Variants in AIFM3 observed in about 807,000 individuals in gnomAD.
AIFM3 encodes the protein apoptosis-inducing factor 3.
AIFM3 carries 71 observed loss-of-function variants against 82.7 expected under a neutral mutation model. The ratio of observed to expected loss-of-function variants is 0.86; its 90% CI spans 0.71 to 1.05. The LOEUF (loss-of-function observed/expected upper bound fraction) is 1.05, where lower values mean the gene tolerates loss of function less well. Among genes scored for constraint, AIFM3 ranks in the 50% least tolerant of loss-of-function variants. The probability of loss-of-function intolerance (pLI) is 0.00; values close to 1 mark genes in which losing one functional copy is unlikely to be tolerated. For missense variants in AIFM3, 748 were observed against 816.7 expected, an observed-to-expected ratio of 0.92 and a Z score of 1.03; for synonymous variants, 337 against 329.1, an observed-to-expected ratio of 1.02 and a Z score of -0.26.
intron 19 of AIFM3, 34 bp downstream of exon 19, chr22:20,980,158 G>C: frequency 6.3e-7 from 1 of 1,591,574 alleles, no homozygotes; most frequent in Non-Finnish European, 8.5e-7. Flanking sequence ...GGGGGTGGGA[G>C]TAGTTCCCTG....
At chr22:20,975,647 C>G (rs1923592463) in intron 8 of AIFM3, 45 bp from the exon 9 acceptor site, 3 of 1,598,986 alleles carry the variant, frequency 1.9e-6, no homozygotes, top group Middle Eastern at 1.7e-4. Context: ...GCCCCAGTGT[C>G]TTCTGCTGTA....
At chr22:20,969,587 G>A (rs1923142336) in intron 2 of AIFM3, among the ~76,000 whole-genome samples, 1 of 152,224 alleles carries the variant, frequency 6.6e-6, no homozygotes. Context: ...CCGCCACCAC[G>A]CCCAGCTATT....
In AIFM3 at chr22:20,973,448, C is replaced by A; in HGVS notation, c.173C>A (p.Pro58His). The change falls in exon 3 of 21, where the codon CCT becomes CAT. Residue 58 changes from proline (P) to histidine (H), a missense_variant. Physicochemically the swap from Pro to His is moderately conservative, Grantham distance 77 (BLOSUM62 -2). This residue lies in a region of AIFM3 where 148 missense variants were observed against 134.1 expected (regional missense o/e 1.10). Transcript: ENST00000440238. ...CACACGGAGGAGCGCCTGTCCACCC[C>A]TCACCCCTACCCCAGCCCTCAGGAT... ...HFHTEERLST[P>H]HPYPSPQDCV... 1 of 1,613,202 alleles carries A rather than the reference C, an allele frequency of 6.2e-7. No homozygotes were observed. Among genetic ancestry groups the A allele is most frequent in the Non-Finnish European group, 8.5e-7 (1 of 1,179,998 alleles).
rs759716867 is a variant in AIFM3, at chr22:20,976,503, G to A, written c.995G>A (p.Gly332Asp). 5.6e-6 allele frequency: 9 copies of A among 1,613,826 alleles called. No individual in the cohort carries two copies. The South Asian group carries it at 8.8e-5, about 16-fold the overall frequency. The change falls in exon 11 of 21, where the codon GGC becomes GAC. Residue 332 changes from glycine to aspartate, a missense_variant. This residue lies in a region of AIFM3 where 393 missense variants were observed against 481.1 expected (regional missense o/e 0.82). Coordinates refer to ENST00000440238, the MANE Select transcript of AIFM3 (RefSeq NM_001386814.1). ...AATCGCGTGGTGAGGCTGGCCCGAG[G>A]CCGCAACGTGGTCGTCGTGGGAGCC... ...DANRVVRLAR[G>D]RNVVVVGAGF...
At chr22:20,979,961 G>T in intron 18 of AIFM3, 59 bp from the exon 19 acceptor site, 1 of 1,522,732 alleles carries the variant, frequency 6.6e-7, no homozygotes, top group Non-Finnish European at 8.9e-7. Flanking sequence ...GTGCATCAGG[G>T]TTTTCAAAAA....
intron 2 of AIFM3, among the ~76,000 whole-genome samples, chr22:20,968,195 G>A (rs1923042720): frequency 6.6e-6 from 1 of 152,118 alleles, no homozygotes; most frequent in African/African-American, 2.4e-5. Flanking sequence ...CTTTTTCTTT[G>A]GGGCTTTGAG....
At chr22:20,968,913 T>C (rs1355375762) in intron 2 of AIFM3, among the ~76,000 whole-genome samples, 1 of 152,030 alleles carries the variant, frequency 6.6e-6, no homozygotes, top group Admixed American at 6.5e-5. Context: ...CTTTCCTGGG[T>C]CTAAGGGAGA....
rs779895894 is a variant in AIFM3 at position 20,979,593 on chromosome 22, T to C, written c.1577-34T>C. 10 of 1,612,880 alleles carry C rather than the reference T, an allele frequency of 6.2e-6. No homozygotes were observed. The East Asian group carries it at 2.2e-4, about 36-fold the overall frequency. ...GTGACGTCTCGTTCCCTCCCCCGGC[T>C]CACGTGGGTGCCACCCACCTGCCCG... On this transcript the variant is annotated intron_variant, in intron 17 of 20. Coordinates refer to ENST00000440238, the MANE Select transcript of AIFM3 (RefSeq NM_001386814.1).
At chr22:20,974,196 TG>T in intron 5 of AIFM3, 24 bp downstream of exon 5, 1 of 1,608,656 alleles carries the variant, frequency 6.2e-7, no homozygotes, top group South Asian at 1.1e-5. Flanking sequence ...TGCGATGGGG[TG>T]GGAACCTGGG....
intron 4 of AIFM3, 56 bp downstream of exon 4, chr22:20,973,923 G>C (rs932490046): frequency 4.7e-6 from 7 of 1,480,154 alleles, no homozygotes; most frequent in Non-Finnish European, 6.3e-6. Context: ...TGCCAGCTTG[G>C]CTCCTCCCCA....
At chr22:20,973,181 C>A in intron 2 of AIFM3, 126 bp from the exon 3 acceptor site, 1 of 1,104,944 alleles carries the variant, frequency 9.1e-7, no homozygotes, top group South Asian at 1.5e-5. Flanking sequence ...AGAGGGAATT[C>A]TGGGGAGGTT....
intron 2 of AIFM3, among the ~76,000 whole-genome samples, chr22:20,968,630 G>C (rs1157703206): frequency 1.3e-5 from 2 of 152,126 alleles, no homozygotes; most frequent in African/African-American, 4.8e-5. Context: ...CTCCACTAAA[G>C]ACTCATGTCT....
chr22:20,968,105 A>G (rs1358971630), intron 2 of AIFM3, 130 bp downstream of exon 2: 7 of 953,898 alleles, frequency 7.3e-6, no homozygotes, highest in Non-Finnish European at 1.1e-5. Context: ...ACCCGCTCGG[A>G]ATGTTAATAC....
At chr22:20,972,839 G>A (rs1367094474) in intron 2 of AIFM3, among the ~76,000 whole-genome samples, 1 of 152,090 alleles carries the variant, frequency 6.6e-6, no homozygotes, top group Non-Finnish European at 1.5e-5. Context: ...GAGGTCAGGA[G>A]TTTGAGACCA....
intron 8 of AIFM3, 65 bp downstream of exon 8, chr22:20,974,881 T>G: frequency 6.5e-7 from 1 of 1,541,448 alleles, no homozygotes; most frequent in Non-Finnish European, 8.9e-7. Flanking sequence ...ACTTCAAGCC[T>G]TGCTTGTCAC....
At chr22:20,973,960 A>G in intron 4 of AIFM3, 93 bp downstream of exon 4, 1 of 1,469,586 alleles carries the variant, frequency 6.8e-7, no homozygotes, top group Middle Eastern at 2.4e-4. Flanking sequence ...TCTATTAGTG[A>G]AGTCTCCTGG....
intron 16 of AIFM3, 32 bp downstream of exon 16, chr22:20,978,037 G>T: frequency 6.2e-7 from 1 of 1,605,208 alleles, no homozygotes; most frequent in South Asian, 1.1e-5. Flanking sequence ...ATGGAGGGGT[G>T]GGAGGGAGTC....
At chr22:20,978,136 T>C (rs191781500) in intron 16 of AIFM3, 131 bp downstream of exon 16, 52 of 870,942 alleles carry the variant, frequency 6.0e-5, no homozygotes, top group African/African-American at 5.5e-4. Context: ...ATGTGGATTC[T>C]CTGGCCAGCC....
At chr22:20,978,145 C>A in intron 16 of AIFM3, 140 bp downstream of exon 16, 2 of 806,000 alleles carry the variant, frequency 2.5e-6, no homozygotes, top group Non-Finnish European at 4.0e-6. Context: ...CTCTGGCCAG[C>A]CTCATCTCGG....
Sources: allele counts gnomAD v4.1 joint callset (sites outside exome capture counted in the v4.1 genomes callset), GRCh38; gene constraint gnomAD v4.1.1; regional missense constraint gnomAD v4.1.1; transcripts MANE v1.5; gene names NCBI Gene and HGNC (gene_info 2026-07-23, HGNC 2026-07-21).